Variants in RXRA observed in about 807,000 individuals in gnomAD.
The protein encoded by RXRA is retinoic acid receptor RXR-alpha.
Under a neutral mutation model 44.5 loss-of-function variants are expected in RXRA, and 5 were observed. The ratio of observed to expected loss-of-function variants is 0.11; its 90% CI spans 0.06 to 0.24. The LOEUF (loss-of-function observed/expected upper bound fraction) is 0.24. RXRA is among the 10% of genes least tolerant of loss of function. RXRA has a pLI of 1.00. For synonymous variants in RXRA, 291 were observed against 271.4 expected (o/e 1.07, Z -0.71); for missense variants, 412 against 646.5 (o/e 0.64, Z 3.93).
intron 1 of RXRA, among the ~76,000 whole-genome samples, chr9:134,350,464 GT>G (rs1477338393): frequency 2.6e-5 from 4 of 152,186 alleles, no homozygotes; most frequent in Non-Finnish European, 5.9e-5. Flanking sequence ...GGTGGCTGGG[GT>G]CCCCAGGGGC....
At chr9:134,401,382 T>G (rs1358364784) in intron 1 of RXRA, 2 of 562,690 alleles carry the variant, frequency 3.6e-6, no homozygotes, top group East Asian at 6.5e-5. Context: ...GGGTTCTTCC[T>G]GCGTCTGCCG....
At chr9:134,394,864 C>T (rs554580099) in intron 1 of RXRA, among the ~76,000 whole-genome samples, 1 of 152,316 alleles carries the variant, frequency 6.6e-6, no homozygotes, top group East Asian at 1.9e-4. Flanking sequence ...CCCCATGGAG[C>T]TCAAGGAGGG....
intron 6 of RXRA, chr9:134,422,760 C>A: frequency 4.1e-6 from 4 of 985,474 alleles, no homozygotes; most frequent in Non-Finnish European, 4.8e-6. Context: ...TCCCTCCATC[C>A]CTCATAAGGA....
intron 1 of RXRA, among the ~76,000 whole-genome samples, chr9:134,391,253 C>T (rs1459767276): frequency 6.6e-6 from 1 of 152,184 alleles, no homozygotes; most frequent in Non-Finnish European, 1.5e-5. Context: ...CCACGCTCCA[C>T]CACAGGTGGG....
intron 5 of RXRA, among the ~76,000 whole-genome samples, chr9:134,419,297 C>T (rs551022696): frequency 5.9e-5 from 9 of 152,300 alleles, no homozygotes; most frequent in Non-Finnish European, 8.8e-5. Flanking sequence ...GTTTTTATTT[C>T]GTGAAGGACA....
intron 7 of RXRA, among the ~76,000 whole-genome samples, chr9:134,430,021 A>G (rs908180313): frequency 4.1e-4 from 62 of 151,936 alleles, no homozygotes; most frequent in Non-Finnish European, 8.8e-5. Flanking sequence ...GAGTAGCTGG[A>G]ACTACAGGCG....
intron 1 of RXRA, among the ~76,000 whole-genome samples, chr9:134,347,312 T>C (rs1297450548): frequency 6.6e-6 from 1 of 152,246 alleles, no homozygotes; most frequent in Non-Finnish European, 1.5e-5. Flanking sequence ...TGTAAATTGC[T>C]GGGCAGATGA....
chr9:134,373,132 A>G (rs1189223665), intron 1 of RXRA, among the ~76,000 whole-genome samples: 1 of 152,156 alleles, frequency 6.6e-6, no homozygotes, highest in Non-Finnish European at 1.5e-5. Context: ...GCTGGGCCAC[A>G]CAGCCAAGTG....
chr9:134,396,630 G>T (rs1025661967), intron 1 of RXRA, among the ~76,000 whole-genome samples: 3 of 152,108 alleles, frequency 2.0e-5, no homozygotes, highest in Non-Finnish European at 1.5e-5. Context: ...CTTCCTCATC[G>T]CAGGCCGAGC....
intron 1 of RXRA, among the ~76,000 whole-genome samples, chr9:134,375,496 G>A (rs1003189125): frequency 6.6e-6 from 1 of 152,198 alleles, no homozygotes; most frequent in African/African-American, 2.4e-5. Context: ...TTCCAGGCAG[G>A]TCCTGGCCCG....
At chr9:134,401,541 G>A in intron 1 of RXRA, 91 bp from the exon 2 acceptor site, 1 of 1,586,676 alleles carries the variant, frequency 6.3e-7, no homozygotes, top group Non-Finnish European at 8.5e-7. Flanking sequence ...CTTCCCGCAG[G>A]TGCGTGCATC....
chr9:134,393,458 TGCCCCTTA>T (rs1261747255), intron 1 of RXRA, among the ~76,000 whole-genome samples: 2 of 152,154 alleles, frequency 1.3e-5, no homozygotes, highest in Non-Finnish European at 2.9e-5. Context: ...AGGTTAAGTG[TGCCCCTTA>T]GCGCCTGGGG....
chr9:134,368,987 G>C (rs572807807), intron 1 of RXRA, among the ~76,000 whole-genome samples: 33 of 131,852 alleles, frequency 2.5e-4, no homozygotes, highest in Non-Finnish European at 3.5e-4. Context: ...ATGTGTGTGT[G>C]AGTGCGGGGC....
At chr9:134,421,409 A>G (rs1233156312) in intron 5 of RXRA, among the ~76,000 whole-genome samples, 4 of 151,972 alleles carry the variant, frequency 2.6e-5, no homozygotes, top group Non-Finnish European at 5.9e-5. Flanking sequence ...CCTCCCTCTC[A>G]TAGACCCCTT....
intron 2 of RXRA, chr9:134,405,526 G>A (rs887762225): frequency 6.6e-6 from 1 of 152,296 alleles, no homozygotes; most frequent in African/African-American, 2.4e-5. Flanking sequence ...TCCCTTTCCC[G>A]GCCAGGGCTG....
chr9:134,334,950 T>TG (rs1269887911), intron 1 of RXRA, among the ~76,000 whole-genome samples: 1 of 152,116 alleles, frequency 6.6e-6, no homozygotes, highest in African/African-American at 2.4e-5. Flanking sequence ...AGAGGTGGCC[T>TG]GGGGGCATGG....
intron 4 of RXRA, 25 bp downstream of exon 4, chr9:134,409,144 C>T (rs374622567): frequency 1.7e-5 from 26 of 1,518,724 alleles, no homozygotes; most frequent in South Asian, 6.4e-5. Context: ...CGGGTGGGGG[C>T]GCGGGCAGGT....
At chr9:134,389,196 C>T (rs1347885289) in intron 1 of RXRA, among the ~76,000 whole-genome samples, 1 of 152,234 alleles carries the variant, frequency 6.6e-6, no homozygotes, top group Non-Finnish European at 1.5e-5. Flanking sequence ...GTTGCCATTT[C>T]ACGGAACCCG....
chr9:134,434,329 C>A, intron 9 of RXRA, 122 bp downstream of exon 9: 1 of 691,536 alleles, frequency 1.4e-6, no homozygotes, highest in Non-Finnish European at 2.5e-6. Context: ...CCAGCCCATG[C>A]CAGCAGGTCC....
Sources: allele counts gnomAD v4.1 joint callset (sites outside exome capture counted in the v4.1 genomes callset), GRCh38; gene constraint gnomAD v4.1.1; transcripts MANE v1.5; gene names NCBI Gene and HGNC (gene_info 2026-07-23, HGNC 2026-07-21).